Variants in CWF19L2 observed in about 807,000 individuals in gnomAD.
CWF19L2 encodes CWF19-like protein 2.
Under a neutral mutation model 111.7 loss-of-function variants are expected in CWF19L2, and 98 were observed. The observed-to-expected ratio is 0.88, with a 90% CI of 0.75 to 1.04. The LOEUF (loss-of-function observed/expected upper bound fraction) is 1.04. CWF19L2 is among the 50% of genes least tolerant of loss of function. The probability of loss-of-function intolerance (pLI) is 0.00; values close to 1 mark genes in which losing one functional copy is unlikely to be tolerated. For missense variants in CWF19L2, 1,101 were observed against 1,051.4 expected, an observed-to-expected ratio of 1.05 and a Z score of -0.65; for synonymous variants, 351 against 342.9, an observed-to-expected ratio of 1.02 and a Z score of -0.26.
chr11:107,388,244 GT>G (rs1251527623), intron 12 of CWF19L2, among the ~76,000 whole-genome samples: 3 of 152,004 alleles, frequency 2.0e-5, no homozygotes, highest in African/African-American at 7.3e-5. Flanking sequence ...TTATATATTT[GT>G]TCACTTTCTC....
At chr11:107,396,235 G>A (rs1860919774) in intron 10 of CWF19L2, among the ~76,000 whole-genome samples, 1 of 152,182 alleles carries the variant, frequency 6.6e-6, no homozygotes. Flanking sequence ...AACACTTCTT[G>A]ATATAACTAA....
At chr11:107,401,108 A>G (rs1860993148) in intron 10 of CWF19L2, among the ~76,000 whole-genome samples, 1 of 152,150 alleles carries the variant, frequency 6.6e-6, no homozygotes, top group African/African-American at 2.4e-5. Flanking sequence ...CAGCCAACAT[A>G]ATACTGAATG....
At chr11:107,439,033 T>G (rs1045028022) in intron 6 of CWF19L2, 57 bp downstream of exon 6, 1 of 374,216 alleles carries the variant, frequency 2.7e-6, no homozygotes, top group African/African-American at 1.2e-4. Context: ...AGACTCTGTC[T>G]CGAAAAAAAA....
chr11:107,433,661 A>G lies in CWF19L2; in HGVS notation c.753T>C (p.Phe251=), dbSNP rs377124486. ...CATATCTTTCGGCTACAATGTCCTC[A>G]AAGTTTCTACTTTGTTTCTCAGCTT... The part of the protein sequence containing the change: ...KEQAEKQSRN[F]EDIVAERYGS... Residue 251 remains phenylalanine, a synonymous_variant, in exon 7 of 18, where the codon TTT becomes TTC. Transcript: ENST00000282251. The G allele has an allele frequency of 2.5e-6, 4 of 1,578,258 alleles. No homozygotes were observed. Among genetic ancestry groups the G allele is most frequent in the South Asian group, 2.3e-5 (2 of 86,300 alleles).
chr11:107,456,151 C>T (rs1861851435), intron 1 of CWF19L2, among the ~76,000 whole-genome samples: 1 of 152,138 alleles, frequency 6.6e-6, no homozygotes, highest in Non-Finnish European at 1.5e-5. Context: ...TAGACCTCCA[C>T]GCCTTCAATA....
At chr11:107,403,571 T>C (rs1432407676) in intron 10 of CWF19L2, 1 of 791,704 alleles carries the variant, frequency 1.3e-6, no homozygotes, top group East Asian at 2.5e-5. Flanking sequence ...TTCACCATTC[T>C]GTTGACTCTC....
intron 12 of CWF19L2, among the ~76,000 whole-genome samples, chr11:107,367,592 C>A (rs1860448521): frequency 8.0e-6 from 1 of 125,030 alleles, no homozygotes; most frequent in South Asian, 2.9e-4. Context: ...AAACCAAACA[C>A]CGCATATTCT....
At chr11:107,439,913 G>A (rs1326672939) in intron 5 of CWF19L2, among the ~76,000 whole-genome samples, 1 of 152,170 alleles carries the variant, frequency 6.6e-6, no homozygotes, top group Admixed American at 6.5e-5. Context: ...TCAGCATGGA[G>A]GAAAGTCTGG....
chr11:107,414,722 C>T (rs1861201921), intron 10 of CWF19L2, among the ~76,000 whole-genome samples: 3 of 152,250 alleles, frequency 2.0e-5, no homozygotes, highest in African/African-American at 4.8e-5. Context: ...AAGCTAAAAA[C>T]CTTGGAGTCC....
At chr11:107,437,799 T>C (rs769346134) in intron 6 of CWF19L2, among the ~76,000 whole-genome samples, 22 of 152,198 alleles carry the variant, frequency 1.4e-4, no homozygotes, top group Non-Finnish European at 2.8e-4. Flanking sequence ...TTGTCAATTC[T>C]AGGTTTTCCT....
Position 107,333,786 on chromosome 11 carries a change from G to A in CWF19L2, c.2439+1095C>T, listed in dbSNP as rs187968174. ...TGTAATAAGGAATCCTATTAGTTAC[G>A]TGACATGTAACAGGAGTCTGGCTTT... On this transcript the variant is annotated intron_variant, in intron 16 of 17. Coordinates refer to ENST00000282251, the MANE Select transcript of CWF19L2 (RefSeq NM_152434.3). Among the ~76,000 whole-genome samples, 794 of 152,246 alleles carry A rather than the reference G, an allele frequency of 5.2e-3. 4 individuals are homozygous for A. The highest frequency in any genetic ancestry group is 8.1e-3 in the Non-Finnish European group (548 of 68,020).
chr11:107,393,001 G>A lies in CWF19L2; in HGVS notation c.1618-106C>T, dbSNP rs575358993. The A allele has an allele frequency of 1.0e-3, 687 of 667,520 alleles. 1 individual carries two copies. Among genetic ancestry groups the A allele is most frequent in the Non-Finnish European group, 1.5e-3 (618 of 410,300 alleles). 41.3% of individuals were successfully genotyped at this position (667,520 alleles called of 1,614,324 possible). A position where few individuals can be genotyped will look rare whatever the true frequency, so the allele number is the denominator to read the frequency against. ...AAAATGATTAACGTTTCCACATAAC[G>A]TTGTGGATTGCCTTAAATCTCCTGG... On this transcript the variant is annotated intron_variant, in intron 10 of 17. Coordinates refer to ENST00000282251, the MANE Select transcript of CWF19L2 (RefSeq NM_152434.3).
At chr11:107,430,135 T>C (rs966675537) in intron 7 of CWF19L2, among the ~76,000 whole-genome samples, 2 of 150,102 alleles carry the variant, frequency 1.3e-5, no homozygotes, top group Admixed American at 6.7e-5. Flanking sequence ...GAAGGACTCA[T>C]CCAATAGCCT....
rs772459239 is a variant in CWF19L2 at position 107,329,962 on chromosome 11, G to A, written c.2497C>T (p.His833Tyr). 4.4e-6 allele frequency: 7 copies of A among 1,592,440 alleles called. No individual in the cohort carries two copies. The highest frequency in any genetic ancestry group is 3.5e-5 in the South Asian group (3 of 86,782). The change falls in exon 17 of 18, where the codon CAT becomes TAT. Residue 833 changes from histidine (H) to tyrosine (Y), a missense_variant. Physicochemically the swap from His to Tyr is moderately conservative, Grantham distance 83. Coordinates refer to ENST00000282251, the MANE Select transcript of CWF19L2 (RefSeq NM_152434.3). ...AATTTGTGCTGATCTTCAATGACAT[G>A]GGCAAACCCTCCGTGAAGGCCAAAA... is the stretch of plus-strand genomic sequence containing the variant. ...VDFGLHGGFA[H>Y]VIEDQHKFPH... is the part of the protein sequence containing the mutation.
rs74881997 is a variant in CWF19L2, at chr11:107,389,943, T to C, written c.1872+131A>G. The C allele has an allele frequency of 5.1e-3, 3,849 of 749,398 alleles. 84 individuals are homozygous for C. In the African/African-American group the frequency reaches 0.06, roughly 12 times the overall value. 46.4% of individuals were successfully genotyped at this position (749,398 alleles called of 1,614,324 possible). A position where few individuals can be genotyped will look rare whatever the true frequency, so the allele number is the denominator to read the frequency against. ...TTCCAAAATGCATGTTTCTAATAAG[T>C]CTTACAAAGGATTTAATTTAATAAA... is the stretch of plus-strand genomic sequence containing the variant. On this transcript the variant is annotated intron_variant, in intron 12 of 17. Transcript: ENST00000282251.
chr11:107,389,938 A>G (rs1043236145), intron 12 of CWF19L2, 136 bp downstream of exon 12: 4 of 712,140 alleles, frequency 5.6e-6, no homozygotes, highest in Non-Finnish European at 4.4e-6. Flanking sequence ...CATGTTTCTA[A>G]TAAGTCTTAC....
At position 107,441,589 on chromosome 11, in the gene CWF19L2, C is replaced by A; in HGVS notation, c.484G>T (p.Val162Phe). The change falls in exon 5 of 18, where the codon GTT becomes TTT. Residue 162 changes from valine (V) to phenylalanine (F), a missense_variant. Coordinates refer to ENST00000282251, the MANE Select transcript of CWF19L2 (RefSeq NM_152434.3). Reference protein sequence around the residue: ...DEWMTVDFMSVKTVSSSSLKA... With the variant: ...DEWMTVDFMSFKTVSSSSLKA... ...AGTGATGATGATGACACAGTTTTAA[C>A]AGACATAAAATCAACAGTCATCCAC... The A allele has an allele frequency of 6.5e-7, 1 of 1,543,806 alleles. No individual in the cohort carries two copies. Among genetic ancestry groups the A allele is most frequent in the Non-Finnish European group, 8.7e-7 (1 of 1,144,480 alleles).
rs1443619571 is a variant in CWF19L2 at position 107,457,703 on chromosome 11, C to G, written c.105+9G>C. ...ATAAATAACTACAAAAGCCCCAAAA[C>G]AGAGGTACCTGGCGCAACACCTCGG... On this transcript the variant is annotated intron_variant, in intron 1 of 17. Transcript: ENST00000282251. The G allele has an allele frequency of 2.6e-6, 4 of 1,546,722 alleles. No homozygotes were observed. Among genetic ancestry groups the G allele is most frequent in the Non-Finnish European group, 3.5e-6 (4 of 1,142,460 alleles).
chr11:107,435,857 C>G (rs1861533406), intron 6 of CWF19L2, among the ~76,000 whole-genome samples: 1 of 151,942 alleles, frequency 6.6e-6, no homozygotes, highest in Non-Finnish European at 1.5e-5. Context: ...ATAGGAAGTA[C>G]AAACATGAAT....
Sources: allele counts gnomAD v4.1 joint callset (sites outside exome capture counted in the v4.1 genomes callset), GRCh38; gene constraint gnomAD v4.1.1; transcripts MANE v1.5; gene names NCBI Gene and HGNC (gene_info 2026-07-23, HGNC 2026-07-21).